The following TAFA2 variants were observed in gnomAD, a reference collection of about 807,000 sequenced individuals.
The protein encoded by TAFA2 is chemokine-like protein TAFA-2.
Under a neutral mutation model 18.8 loss-of-function variants are expected in TAFA2, and 7 were observed. That is an observed-to-expected ratio of 0.37 (90% CI 0.21 to 0.70). The LOEUF (loss-of-function observed/expected upper bound fraction) is 0.70, where lower values mean the gene tolerates loss of function less well. Ranked by LOEUF, TAFA2 falls within the 30% of genes least tolerant of loss-of-function variation. The pLI is 0.53. For synonymous variants in TAFA2, 60 were observed against 54.2 expected (o/e 1.11, Z -0.47); for missense variants, 122 against 158.1 (o/e 0.77, Z 1.23).
At chr12:62,088,608 C>G (rs1868561258) in intron 1 of TAFA2, among the ~76,000 whole-genome samples, 1 of 119,250 alleles carries the variant, frequency 8.4e-6, no homozygotes. Context: ...AGGGCCTGGA[C>G]CACATTAAAA....
At chr12:62,180,357 C>A (rs2062543984) in intron 1 of TAFA2, among the ~76,000 whole-genome samples, 1 of 152,098 alleles carries the variant, frequency 6.6e-6, no homozygotes, top group African/African-American at 2.4e-5. Context: ...AGGTTCATTC[C>A]ATTTAAAGCC....
At chr12:62,231,495 A>G (rs117550689) in intron 1 of TAFA2, among the ~76,000 whole-genome samples, 2,224 of 152,298 alleles carry the variant, frequency 0.015, 23 homozygotes, top group Non-Finnish European at 0.024. Context: ...CGTAGGCAGC[A>G]TATAGTTACG....
In TAFA2 at chr12:62,176,747, C is replaced by A. The variant is rs2062517105; in HGVS notation, c.-2+14512G>T. ...ATGTTATGGTATAATTTTAACTGAA[C>A]AATTCTAAAATTGAAAAAGGGGGTC... On this transcript the variant is annotated intron_variant, in intron 1 of 4. Coordinates refer to ENST00000416284, the MANE Select transcript of TAFA2 (RefSeq NM_178539.5). Among the ~76,000 whole-genome samples the A allele has an allele frequency of 2.0e-5, 3 of 152,092 alleles. No individual in the cohort carries two copies. The South Asian group carries it at 6.2e-4, about 32-fold the overall frequency.
At chr12:61,926,614 G>A (rs1386247454) in intron 1 of TAFA2, among the ~76,000 whole-genome samples, 1 of 152,148 alleles carries the variant, frequency 6.6e-6, no homozygotes, top group African/African-American at 2.4e-5. Flanking sequence ...TATATCAATA[G>A]ATGCAGAAAA....
intron 1 of TAFA2, among the ~76,000 whole-genome samples, chr12:61,948,648 T>C (rs1046869867): frequency 3.1e-4 from 47 of 152,312 alleles, no homozygotes; most frequent in African/African-American, 1.1e-3. Context: ...AATGTCAGGA[T>C]ACTGGTTTTC....
In TAFA2 at chr12:61,884,467, T is replaced by A. The variant is rs138216393; in HGVS notation, c.-1-17041A>T. On this transcript the variant is annotated intron_variant, in intron 1 of 4. Transcript: ENST00000416284. ...CCAGTTAACATAAATAGAAAGAAACTCTTTGATGATTATTTGTAGTCGCTC... is the reference window on the plus strand; with the variant it reads ...CCAGTTAACATAAATAGAAAGAAACACTTTGATGATTATTTGTAGTCGCTC... 4.3e-4 allele frequency among the ~76,000 whole-genome samples: 66 copies of A among 152,272 alleles called. 3 individuals carry two copies. The South Asian group carries it at 0.012, about 29-fold the overall frequency.
At chr12:61,784,291 G>A (rs1870632634) in intron 2 of TAFA2, among the ~76,000 whole-genome samples, 1 of 151,486 alleles carries the variant, frequency 6.6e-6, no homozygotes, top group Admixed American at 6.6e-5. Context: ...AGTAGGGTCT[G>A]AGAAGTTGTT....
chr12:62,133,711 C>T (rs181363225), intron 1 of TAFA2, among the ~76,000 whole-genome samples: 11 of 152,194 alleles, frequency 7.2e-5, no homozygotes, highest in Admixed American at 1.3e-4. Context: ...AGGCAAGGAA[C>T]TTGAATACCT....
intron 4 of TAFA2, among the ~76,000 whole-genome samples, chr12:61,750,314 A>G (rs1039625533): frequency 1.3e-5 from 2 of 152,136 alleles, no homozygotes; most frequent in Non-Finnish European, 2.9e-5. Context: ...ATGTCACAGA[A>G]AGTCATAAAT....
chr12:62,087,855 G>A (rs1327505959), intron 1 of TAFA2, among the ~76,000 whole-genome samples: 1 of 152,062 alleles, frequency 6.6e-6, no homozygotes, highest in Non-Finnish European at 1.5e-5. Flanking sequence ...TGGAATAGAT[G>A]ATAGCAGTCA....
chr12:62,094,717 G>C (rs1017697100), intron 1 of TAFA2, among the ~76,000 whole-genome samples: 5 of 151,514 alleles, frequency 3.3e-5, no homozygotes, highest in African/African-American at 1.2e-4. Flanking sequence ...AAACTTGTAA[G>C]ATACATTCTA....
chr12:62,249,700 T>C (rs1456877519), intron 1 of TAFA2, among the ~76,000 whole-genome samples: 6 of 152,196 alleles, frequency 3.9e-5, no homozygotes, highest in South Asian at 4.1e-4. Context: ...CAAAAACCCA[T>C]TGCATTCTTC....
intron 1 of TAFA2, among the ~76,000 whole-genome samples, chr12:62,081,837 G>T (rs1868330184): frequency 6.6e-6 from 1 of 152,090 alleles, no homozygotes. Context: ...GTGCAGGTTT[G>T]TTAGGTAGGT....
At chr12:61,779,762 G>T (rs1027132392) in intron 2 of TAFA2, among the ~76,000 whole-genome samples, 2 of 151,804 alleles carry the variant, frequency 1.3e-5, no homozygotes, top group East Asian at 3.9e-4. Flanking sequence ...AGCTGCGATA[G>T]TATATGCTGG....
At chr12:61,746,727 A>G (rs116418569) in intron 4 of TAFA2, among the ~76,000 whole-genome samples, 1 of 152,250 alleles carries the variant, frequency 6.6e-6, no homozygotes, top group African/African-American at 2.4e-5. Context: ...AGGCCTGATG[A>G]AGGCAGGGAT....
chr12:62,124,880 C>T (rs1870384392), intron 1 of TAFA2, among the ~76,000 whole-genome samples: 1 of 152,096 alleles, frequency 6.6e-6, no homozygotes, highest in Non-Finnish European at 1.5e-5. Flanking sequence ...AAATAATGCA[C>T]TGTTGTAAAG....
intron 1 of TAFA2, among the ~76,000 whole-genome samples, chr12:62,010,696 C>G (rs1019115596): frequency 4.5e-4 from 65 of 145,124 alleles, no homozygotes; most frequent in Non-Finnish European, 3.5e-4. Flanking sequence ...GCTGCCCCGT[C>G]TGGGAAGTGG....
chr12:61,923,787 CCTCCGAG>C (rs1877160311), intron 1 of TAFA2, among the ~76,000 whole-genome samples: 1 of 151,824 alleles, frequency 6.6e-6, no homozygotes, highest in Non-Finnish European at 1.5e-5. Flanking sequence ...ATAACAAACT[CCTCCGAG>C]CTAAAGGAGC....
chr12:61,970,844 G>GAA (rs200263425), intron 1 of TAFA2, among the ~76,000 whole-genome samples: 2 of 135,008 alleles, frequency 1.5e-5, no homozygotes, highest in East Asian at 2.1e-4. Context: ...TTTAAGAAAT[G>GAA]AAAAAAAAAA....
Sources: allele counts gnomAD v4.1 joint callset (sites outside exome capture counted in the v4.1 genomes callset), GRCh38; gene constraint gnomAD v4.1.1; transcripts MANE v1.5; gene names NCBI Gene and HGNC (gene_info 2026-07-23, HGNC 2026-07-21).